The following TNFSF4 variants were observed in gnomAD, a reference collection of about 807,000 sequenced individuals.
The protein encoded by TNFSF4 is tumor necrosis factor ligand superfamily member 4.
TNFSF4 carries 4 observed loss-of-function variants against 7.3 expected under a neutral mutation model. That is an observed-to-expected ratio of 0.55 (90% CI 0.27 to 1.25). The LOEUF (loss-of-function observed/expected upper bound fraction) is 1.25. Among genes scored for constraint, TNFSF4 ranks in the 50% most tolerant of loss-of-function variants. The pLI is 0.12. For missense variants in TNFSF4, 181 were observed against 208.8 expected (o/e 0.87, Z 0.82); for synonymous variants, 76 against 83.7 (o/e 0.91, Z 0.50).
intron 1 of TNFSF4, among the ~76,000 whole-genome samples, chr1:173,203,336 A>G (rs1650030011): frequency 6.6e-6 from 1 of 152,158 alleles, no homozygotes; most frequent in South Asian, 2.1e-4. Context: ...GAAGCCTCAA[A>G]ATGCCTTATG....
At chr1:173,414,091 G>A in the TNFSF4 span, among the ~76,000 whole-genome samples, 1 of 152,120 alleles carries the variant, frequency 6.6e-6, no homozygotes, top group Admixed American at 6.5e-5. Context: ...TAAACCCACA[G>A]GATAGGTATT....
the TNFSF4 span, among the ~76,000 whole-genome samples, chr1:173,440,132 G>A: frequency 1.3e-5 from 2 of 152,144 alleles, no homozygotes; most frequent in African/African-American, 4.8e-5. Context: ...AGCTAACTAG[G>A]CTTGGCTGAG....
chr1:173,191,450 A>G (rs1424386810), intron 1 of TNFSF4, among the ~76,000 whole-genome samples: 2 of 152,222 alleles, frequency 1.3e-5, no homozygotes, highest in South Asian at 2.1e-4. Context: ...CCTTCCAACC[A>G]TCTTCCCCCT....
At chr1:173,350,218 T>A in the TNFSF4 span, among the ~76,000 whole-genome samples, 2 of 152,212 alleles carry the variant, frequency 1.3e-5, no homozygotes, top group African/African-American at 4.8e-5. Context: ...ATTCCTAAAA[T>A]ATACTGTTTT....
At chr1:173,354,514 A>G in the TNFSF4 span, among the ~76,000 whole-genome samples, 2 of 152,330 alleles carry the variant, frequency 1.3e-5, no homozygotes, top group East Asian at 3.9e-4. Context: ...TCCTAATACC[A>G]AAACCTGGCA....
At chr1:173,302,136 T>C in the TNFSF4 span, among the ~76,000 whole-genome samples, 4 of 151,978 alleles carry the variant, frequency 2.6e-5, no homozygotes, top group South Asian at 8.3e-4. Flanking sequence ...TGTTCTTCTC[T>C]ATAAAATGGG....
the TNFSF4 span, among the ~76,000 whole-genome samples, chr1:173,257,724 TATCCTCCTGGCAC>T: frequency 6.6e-6 from 1 of 152,318 alleles, no homozygotes; most frequent in South Asian, 2.1e-4. Flanking sequence ...TAGGGTAGAT[TATCCTCCTGGCAC>T]ATCATGTAGG....
At chr1:173,287,244 A>G in the TNFSF4 span, among the ~76,000 whole-genome samples, 1 of 152,170 alleles carries the variant, frequency 6.6e-6, no homozygotes, top group Non-Finnish European at 1.5e-5. Flanking sequence ...CTAAAGCAGG[A>G]GGATCATTTG....
At chr1:173,286,733 A>C in the TNFSF4 span, among the ~76,000 whole-genome samples, 1 of 152,212 alleles carries the variant, frequency 6.6e-6, no homozygotes, top group East Asian at 1.9e-4. Context: ...ATAAAAAAAG[A>C]TTAATATATT....
At chr1:173,256,305 G>A in the TNFSF4 span, among the ~76,000 whole-genome samples, 1 of 152,142 alleles carries the variant, frequency 6.6e-6, no homozygotes, top group Non-Finnish European at 1.5e-5. Flanking sequence ...GGGCTATGAA[G>A]TTTCAGATCA....
chr1:173,352,692 G>A, the TNFSF4 span, among the ~76,000 whole-genome samples: 6 of 152,288 alleles, frequency 3.9e-5, no homozygotes, highest in South Asian at 2.1e-4. Flanking sequence ...CACTGTGCAC[G>A]CATTGTCATT....
chr1:173,242,076 T>G, the TNFSF4 span, among the ~76,000 whole-genome samples: 3 of 152,214 alleles, frequency 2.0e-5, no homozygotes, highest in African/African-American at 7.2e-5. Flanking sequence ...GAAGTCTGTT[T>G]TTTCTACTAA....
chr1:173,221,052 G>A, the TNFSF4 span, among the ~76,000 whole-genome samples: 1 of 152,214 alleles, frequency 6.6e-6, no homozygotes, highest in African/African-American at 2.4e-5. Context: ...CAGGGAAAGA[G>A]CTAGGGGAAG....
the TNFSF4 span, among the ~76,000 whole-genome samples, chr1:173,370,582 CCT>C: frequency 6.6e-6 from 1 of 152,160 alleles, no homozygotes; most frequent in Admixed American, 6.5e-5. Flanking sequence ...TATATACTCC[CCT>C]GTCACCTGAC....
At chr1:173,228,402 G>T in the TNFSF4 span, among the ~76,000 whole-genome samples, 1 of 152,134 alleles carries the variant, frequency 6.6e-6, no homozygotes, top group African/African-American at 2.4e-5. Context: ...AAACAGAAAG[G>T]ACATCCACAC....
At chr1:173,378,314 G>A in the TNFSF4 span, among the ~76,000 whole-genome samples, 8 of 152,172 alleles carry the variant, frequency 5.3e-5, no homozygotes, top group African/African-American at 1.7e-4. Context: ...TGGGCAAGAG[G>A]TGTTTCTGCT....
the TNFSF4 span, among the ~76,000 whole-genome samples, chr1:173,221,152 G>T: frequency 6.6e-6 from 1 of 152,172 alleles, no homozygotes; most frequent in South Asian, 2.1e-4. Context: ...AAAGAAAGTG[G>T]CTACAGCAGA....
the TNFSF4 span, among the ~76,000 whole-genome samples, chr1:173,305,645 C>A: frequency 6.6e-6 from 1 of 151,440 alleles, no homozygotes; most frequent in Admixed American, 6.6e-5. Flanking sequence ...TTGTATTAGT[C>A]CATTTTTATA....
chr1:173,221,232 T>C, the TNFSF4 span, among the ~76,000 whole-genome samples: 2 of 152,222 alleles, frequency 1.3e-5, no homozygotes, highest in South Asian at 2.1e-4. Flanking sequence ...CTAGACTGAA[T>C]GGAGCCTTTG....
Sources: gnomAD v4.1 joint callset for allele counts (sites outside exome capture counted in the v4.1 genomes callset) on GRCh38, gnomAD v4.1.1 for gene constraint, MANE v1.5 for transcripts, NCBI Gene and HGNC (gene_info 2026-07-23, HGNC 2026-07-21) for gene names.